The following GABBR2 variants were observed in gnomAD, a reference collection of about 807,000 sequenced individuals.
The protein encoded by GABBR2 is G-protein coupled receptor 51.
Under a neutral mutation model 105.6 loss-of-function variants are expected in GABBR2, and 23 were observed. The observed-to-expected ratio is 0.22, with a 90% CI of 0.16 to 0.31. The LOEUF (loss-of-function observed/expected upper bound fraction) is 0.31. Ranked by LOEUF, GABBR2 falls within the 10% of genes least tolerant of loss-of-function variation. The pLI, the probability that GABBR2 is intolerant of heterozygous loss-of-function variation, is 1.00. For synonymous variants in GABBR2, 478 were observed against 499.7 expected, an observed-to-expected ratio of 0.96 and a Z score of 0.58; for missense variants, 734 against 1,245.5, an observed-to-expected ratio of 0.59 and a Z score of 6.18.
chr9:98,362,534 T>C, intron 13 of GABBR2, 181 bp downstream of exon 13: 1 of 379,466 alleles, frequency 2.6e-6, no homozygotes, highest in Non-Finnish European at 4.6e-6. Flanking sequence ...TAAAATCAAC[T>C]TCTTTCACAA....
intron 7 of GABBR2, among the ~76,000 whole-genome samples, chr9:98,412,296 T>G (rs549490157): frequency 2.0e-4 from 31 of 152,242 alleles, no homozygotes; most frequent in Non-Finnish European, 4.4e-4. Context: ...CTGGGCCTAC[T>G]GAGGGACAGT....
At chr9:98,527,692 G>A (rs1306434088) in intron 3 of GABBR2, among the ~76,000 whole-genome samples, 1 of 152,042 alleles carries the variant, frequency 6.6e-6, no homozygotes, top group Non-Finnish European at 1.5e-5. Flanking sequence ...AAACTTTGCT[G>A]AGGATCCAAC....
intron 12 of GABBR2, among the ~76,000 whole-genome samples, chr9:98,364,655 G>A (rs909681942): frequency 3.4e-5 from 5 of 146,276 alleles, no homozygotes; most frequent in Non-Finnish European, 7.4e-5. Flanking sequence ...GGAATGCAAT[G>A]GTGCAATTTA....
chr9:98,349,377 T>TTC (rs1831357430), intron 13 of GABBR2, among the ~76,000 whole-genome samples: 1 of 123,424 alleles, frequency 8.1e-6, no homozygotes, highest in Non-Finnish European at 1.7e-5. Flanking sequence ...TTTTTTTTTT[T>TTC]TTCGGGACAG....
intron 12 of GABBR2, among the ~76,000 whole-genome samples, chr9:98,364,126 C>T (rs77716822): frequency 0.082 from 12,501 of 152,206 alleles, 713 homozygotes; most frequent in Non-Finnish European, 0.12. Flanking sequence ...TCCAGCAAAA[C>T]CGCTGTACCT....
At chr9:98,355,664 C>T (rs1831471651) in intron 13 of GABBR2, among the ~76,000 whole-genome samples, 1 of 152,176 alleles carries the variant, frequency 6.6e-6, no homozygotes, top group African/African-American at 2.4e-5. Flanking sequence ...TTGATCTATA[C>T]ATTCAGTGTA....
At chr9:98,560,787 T>TAC (rs1828664113) in intron 2 of GABBR2, among the ~76,000 whole-genome samples, 1 of 147,812 alleles carries the variant, frequency 6.8e-6, no homozygotes, top group South Asian at 2.1e-4. Context: ...GTAGTGTATA[T>TAC]ATATATATAT....
chr9:98,569,272 C>T (rs147887345), intron 2 of GABBR2, among the ~76,000 whole-genome samples: 8 of 152,184 alleles, frequency 5.3e-5, no homozygotes, highest in Admixed American at 2.0e-4. Flanking sequence ...CAGGTTGTGG[C>T]GGGATTCTGG....
chr9:98,393,366 T>TCCATCCATCCATCCATCCATCCAC (rs1832228815), intron 9 of GABBR2, among the ~76,000 whole-genome samples: 1 of 140,044 alleles, frequency 7.1e-6, no homozygotes. Flanking sequence ...CATCCATCCA[T>TCCATCCATCCATCCATCCATCCAC]CCACACACCC....
At chr9:98,376,804 G>A (rs1410734126) in intron 11 of GABBR2, among the ~76,000 whole-genome samples, 1 of 152,166 alleles carries the variant, frequency 6.6e-6, no homozygotes, top group Non-Finnish European at 1.5e-5. Flanking sequence ...AGGGGGCAAA[G>A]GTGACTCAGG....
chr9:98,551,279 T>C (rs1828481267), intron 2 of GABBR2, among the ~76,000 whole-genome samples: 1 of 152,112 alleles, frequency 6.6e-6, no homozygotes, highest in Non-Finnish European at 1.5e-5. Context: ...GGTGGGCACC[T>C]GTAATCCCAG....
chr9:98,448,031 C>T (rs1377049801), intron 7 of GABBR2, among the ~76,000 whole-genome samples: 1 of 152,026 alleles, frequency 6.6e-6, no homozygotes, highest in East Asian at 1.9e-4. Context: ...AGATAACAGC[C>T]ATCGGAGGTG....
At chr9:98,387,169 G>A (rs1023043030) in intron 10 of GABBR2, among the ~76,000 whole-genome samples, 3 of 152,078 alleles carry the variant, frequency 2.0e-5, no homozygotes, top group Non-Finnish European at 4.4e-5. Flanking sequence ...GAGGGATTGG[G>A]AACCATAGCA....
At chr9:98,378,621 G>C (rs1323140342) in intron 11 of GABBR2, among the ~76,000 whole-genome samples, 3 of 152,186 alleles carry the variant, frequency 2.0e-5, no homozygotes, top group Admixed American at 6.5e-5. Context: ...CAGGAATGCA[G>C]AGGCCCCCTT....
intron 7 of GABBR2, among the ~76,000 whole-genome samples, chr9:98,453,497 C>G (rs776652452): frequency 6.6e-5 from 10 of 152,210 alleles, no homozygotes; most frequent in Non-Finnish European, 1.3e-4. Flanking sequence ...TTTACAGCAC[C>G]ATGTCATACA....
rs570937511 is a variant in GABBR2, at chr9:98,500,042, G to A, written c.631-3528C>T. ...CATTCCAGCCTGGGCAACAGAGCAAGACTCTGTCTCAAACAACAACAGCAA... is the reference window on the plus strand; with the variant it reads ...CATTCCAGCCTGGGCAACAGAGCAAAACTCTGTCTCAAACAACAACAGCAA... On this transcript the variant is annotated intron_variant, in intron 3 of 18. Coordinates refer to ENST00000259455, the MANE Select transcript of GABBR2 (RefSeq NM_005458.8). 2.6e-5 allele frequency among the ~76,000 whole-genome samples: 4 copies of A among 152,200 alleles called. No homozygotes were observed. The South Asian group carries it at 8.3e-4, about 31-fold the overall frequency.
intron 2 of GABBR2, among the ~76,000 whole-genome samples, chr9:98,557,283 C>T (rs1828602815): frequency 6.6e-6 from 1 of 152,136 alleles, no homozygotes; most frequent in South Asian, 2.1e-4. Context: ...CTTCCTACCT[C>T]CAGTCTACGC....
At chr9:98,609,126 C>T (rs531331766) in intron 1 of GABBR2, among the ~76,000 whole-genome samples, 18 of 152,214 alleles carry the variant, frequency 1.2e-4, no homozygotes, top group African/African-American at 3.9e-4. Flanking sequence ...ACATAATAAA[C>T]GATGTTGTGA....
chr9:98,597,531 C>T (rs1829255927), intron 1 of GABBR2, among the ~76,000 whole-genome samples: 1 of 152,158 alleles, frequency 6.6e-6, no homozygotes, highest in Non-Finnish European at 1.5e-5. Flanking sequence ...ACATAACCAA[C>T]TCCAGGACAC....
Sources: allele counts gnomAD v4.1 joint callset (sites outside exome capture counted in the v4.1 genomes callset), GRCh38; gene constraint gnomAD v4.1.1; transcripts MANE v1.5; gene names NCBI Gene and HGNC (gene_info 2026-07-23, HGNC 2026-07-21).